Variants in CNTNAP2 observed in about 807,000 individuals in gnomAD.
CNTNAP2 encodes the protein contactin-associated protein-like 2.
Under a neutral mutation model 155.2 loss-of-function variants are expected in CNTNAP2, and 98 were observed. That is an observed-to-expected ratio of 0.63 (90% CI 0.54 to 0.75). The LOEUF is 0.75. CNTNAP2 is among the 30% of genes least tolerant of loss of function. CNTNAP2 has a pLI of 0.00. For missense variants in CNTNAP2, 1,727 were observed against 1,688.1 expected (o/e 1.02, Z -0.40); for synonymous variants, 651 against 631.2 (o/e 1.03, Z -0.47).
intron 13 of CNTNAP2, among the ~76,000 whole-genome samples, chr7:147,717,902 T>G (rs1039890567): frequency 6.6e-6 from 1 of 151,568 alleles, no homozygotes; most frequent in African/African-American, 2.4e-5. Context: ...TACATAGCAA[T>G]GTAAAGGTAG....
intron 4 of CNTNAP2, among the ~76,000 whole-genome samples, chr7:147,070,899 T>C (rs1171064084): frequency 6.6e-6 from 1 of 152,160 alleles, no homozygotes; most frequent in African/African-American, 2.4e-5. Flanking sequence ...ACCTCTGTTT[T>C]CAAAAGAAGC....
chr7:147,683,700 A>G (rs1160819572), intron 13 of CNTNAP2, among the ~76,000 whole-genome samples: 1 of 150,514 alleles, frequency 6.6e-6, no homozygotes, highest in Non-Finnish European at 1.5e-5. Context: ...AAAGGGAAGA[A>G]TTCTCAACTT....
chr7:147,231,054 A>T (rs187525146), intron 8 of CNTNAP2, among the ~76,000 whole-genome samples: 1 of 152,250 alleles, frequency 6.6e-6, no homozygotes, highest in African/African-American at 2.4e-5. Flanking sequence ...GGCAGCAGAC[A>T]AAAGAGAAGA....
chr7:147,653,208 T>A (rs1212936989), intron 13 of CNTNAP2, among the ~76,000 whole-genome samples: 2 of 152,210 alleles, frequency 1.3e-5, no homozygotes, highest in South Asian at 2.1e-4. Context: ...TTTTCAGACA[T>A]AAGATATGGA....
rs193169326 is a variant in CNTNAP2 at position 146,637,043 on chromosome 7, T to A, written c.98-137228T>A. Reference sequence around the variant, plus strand: ...ATGGTATTCACAATTTGGGCAATAATGTCAGCAACAAATTTAATTAAATAA... The same window carrying A: ...ATGGTATTCACAATTTGGGCAATAAAGTCAGCAACAAATTTAATTAAATAA... On this transcript the variant is annotated intron_variant, in intron 1 of 23. Coordinates refer to ENST00000361727, the MANE Select transcript of CNTNAP2 (RefSeq NM_014141.6). Among the ~76,000 whole-genome samples, 954 of 152,318 alleles carry A rather than the reference T, an allele frequency of 6.3e-3. 12 individuals carry two copies. The highest frequency in any genetic ancestry group is 0.022 in the African/African-American group (916 of 41,570).
chr7:147,302,965 C>G (rs1197031574), intron 9 of CNTNAP2, among the ~76,000 whole-genome samples: 2 of 152,234 alleles, frequency 1.3e-5, no homozygotes. Flanking sequence ...CACCTTGAAT[C>G]AAATGTTCTC....
At chr7:146,304,205 G>A (rs1302736965) in intron 1 of CNTNAP2, among the ~76,000 whole-genome samples, 1 of 151,244 alleles carries the variant, frequency 6.6e-6, no homozygotes. Context: ...CACACTGATG[G>A]GTCTTGACTC....
At position 146,467,014 on chromosome 7, in the gene CNTNAP2, C is replaced by T. The variant is rs1385043065; in HGVS notation, c.98-307257C>T. 2.0e-5 allele frequency among the ~76,000 whole-genome samples: 3 copies of T among 152,048 alleles called. No homozygotes were observed. The East Asian group carries it at 5.8e-4, about 29-fold the overall frequency. On this transcript the variant is annotated intron_variant, in intron 1 of 23. Transcript: ENST00000361727. Reference sequence around the variant, plus strand: ...TACTTTTATCTTGTCCCTCTTTAAACTCTTCTAAGTACAAAGTGGTATCAT... The same window carrying T: ...TACTTTTATCTTGTCCCTCTTTAAATTCTTCTAAGTACAAAGTGGTATCAT...
At chr7:146,343,569 A>G (rs1225292965) in intron 1 of CNTNAP2, among the ~76,000 whole-genome samples, 10 of 152,208 alleles carry the variant, frequency 6.6e-5, no homozygotes, top group African/African-American at 1.9e-4. Context: ...TTTGAAAGAA[A>G]GAAAAGGAAT....
At chr7:148,148,066 G>A (rs1266737139) in intron 17 of CNTNAP2, among the ~76,000 whole-genome samples, 2 of 147,356 alleles carry the variant, frequency 1.4e-5, no homozygotes, top group African/African-American at 5.0e-5. Context: ...TGGAAGGAAA[G>A]GAAGGAAGGA....
intron 1 of CNTNAP2, among the ~76,000 whole-genome samples, chr7:146,706,941 A>G: frequency 6.6e-6 from 1 of 151,860 alleles, no homozygotes; most frequent in East Asian, 1.9e-4. Context: ...AAAAGATTCA[A>G]AGGCACTGGA....
chr7:147,636,742 T>C (rs145078689), intron 12 of CNTNAP2, among the ~76,000 whole-genome samples: 2 of 152,206 alleles, frequency 1.3e-5, no homozygotes, highest in Non-Finnish European at 2.9e-5. Context: ...AGCCCTACTA[T>C]GTGCCAATTA....
chr7:147,710,481 C>CTTCT (rs770195485), intron 13 of CNTNAP2, among the ~76,000 whole-genome samples: 95 of 152,264 alleles, frequency 6.2e-4, no homozygotes, highest in Non-Finnish European at 1.1e-3. Context: ...TTAAAGACAA[C>CTTCT]TTCTACAAGC....
intron 13 of CNTNAP2, among the ~76,000 whole-genome samples, chr7:147,667,515 T>C (rs1406721008): frequency 6.6e-6 from 1 of 152,114 alleles, no homozygotes; most frequent in Non-Finnish European, 1.5e-5. Context: ...AGAGGAGCCA[T>C]AAGAAGTCAT....
At chr7:147,219,641 G>A (rs2116590294) in intron 8 of CNTNAP2, among the ~76,000 whole-genome samples, 1 of 152,158 alleles carries the variant, frequency 6.6e-6, no homozygotes, top group South Asian at 2.1e-4. Flanking sequence ...ATCTCCTTTG[G>A]CAAAACCCTC....
intron 4 of CNTNAP2, among the ~76,000 whole-genome samples, chr7:147,097,200 A>G (rs1255746997): frequency 1.3e-5 from 2 of 152,194 alleles, no homozygotes; most frequent in Non-Finnish European, 2.9e-5. Context: ...CTAATCACCT[A>G]TTACATATTG....
chr7:147,360,409 A>C (rs937622847), intron 9 of CNTNAP2, among the ~76,000 whole-genome samples: 1 of 152,064 alleles, frequency 6.6e-6, no homozygotes. Context: ...TTTGAAAGTA[A>C]ATTTTAATTC....
intron 1 of CNTNAP2, among the ~76,000 whole-genome samples, chr7:146,205,117 T>TGAA (rs986035299): frequency 1.3e-5 from 2 of 152,008 alleles, no homozygotes; most frequent in African/African-American, 4.8e-5. Context: ...TGTCTAAATA[T>TGAA]GAAGATATCT....
intron 11 of CNTNAP2, among the ~76,000 whole-genome samples, chr7:147,503,740 T>A (rs536298461): frequency 7.2e-5 from 11 of 152,332 alleles, no homozygotes; most frequent in Admixed American, 5.9e-4. Context: ...CTCTGGTATT[T>A]ATACACTCAG....
Sources: allele counts gnomAD v4.1 joint callset (sites outside exome capture counted in the v4.1 genomes callset), GRCh38; gene constraint gnomAD v4.1.1; transcripts MANE v1.5; gene names NCBI Gene and HGNC (gene_info 2026-07-23, HGNC 2026-07-21).